METTL6: variants seen among roughly 807,000 people sequenced by gnomAD.
METTL6 encodes the protein methyltransferase 6, tRNA N3-cytidine.
Under a neutral mutation model 26.4 loss-of-function variants are expected in METTL6, and 22 were observed. That is an observed-to-expected ratio of 0.83 (90% CI 0.59 to 1.19). The LOEUF (loss-of-function observed/expected upper bound fraction) is 1.19. Among genes scored for constraint, METTL6 ranks in the 50% most tolerant of loss-of-function variants. The pLI, the probability that METTL6 is intolerant of heterozygous loss-of-function variation, is 0.00. For synonymous variants in METTL6, 109 were observed against 116.2 expected, an observed-to-expected ratio of 0.94 and a Z score of 0.40; for missense variants, 304 against 324.8, an observed-to-expected ratio of 0.94 and a Z score of 0.49.
chr3:15,393,490 C>A (rs2124908761), intron 6 of METTL6, among the ~76,000 whole-genome samples: 1 of 152,254 alleles, frequency 6.6e-6, no homozygotes, highest in Non-Finnish European at 1.5e-5. Flanking sequence ...CCCTTTATTT[C>A]TTTCTCCTGC....
At chr3:15,386,082 C>T (rs1237407088) in intron 6 of METTL6, among the ~76,000 whole-genome samples, 10 of 152,168 alleles carry the variant, frequency 6.6e-5, no homozygotes, top group Admixed American at 6.5e-4. Flanking sequence ...ATGGTTATTT[C>T]TTGCTTATAT....
In METTL6 at chr3:15,385,326, A is replaced by G. The variant is rs138307014; in HGVS notation, c.*12-1139T>C. Among the ~76,000 whole-genome samples the G allele has an allele frequency of 9.0e-3, 1,374 of 152,238 alleles. 20 individuals are homozygous for G. Among genetic ancestry groups the G allele is most frequent in the African/African-American group, 0.031 (1,302 of 41,522 alleles). On this transcript the variant is annotated intron_variant, in intron 6 of 6. Coordinates refer to the METTL6 transcript ENST00000443029. The stretch of plus-strand genomic sequence containing the variant: ...AAAAACCCACTTGTTGGCCAGGCGC[A>G]GTGGCTCACACCTGTAATCTCAGCG...
intron 6 of METTL6, among the ~76,000 whole-genome samples, chr3:15,403,930 CTG>C (rs1210133458): frequency 6.6e-6 from 1 of 152,174 alleles, no homozygotes. Flanking sequence ...CATTTGTAAA[CTG>C]TGATGGGGCT....
At position 15,427,463 on chromosome 3, in the gene METTL6, A is replaced by G. The variant is rs1346108618; in HGVS notation, c.-186T>C. 4.9e-6 allele frequency: 2 copies of G among 408,488 alleles called. No homozygotes were observed. The highest frequency in any genetic ancestry group is 9.1e-6 in the Non-Finnish European group (2 of 220,518). The allele number at this position is 408,488 out of a possible 1,614,324, so 25.3% of individuals were successfully genotyped here. A position where few individuals can be genotyped will look rare whatever the true frequency, so the allele number is the denominator to read the frequency against. ...ACGGGAAGAACCGCGAAACAACCCTAAACCAATTCTGAGGACCACGAATTC... is the reference window on the plus strand; with the variant it reads ...ACGGGAAGAACCGCGAAACAACCCTGAACCAATTCTGAGGACCACGAATTC... On this transcript the variant is annotated 5_prime_UTR_variant, in exon 1 of 6. The change abolishes the stop of an existing upstream ORF in the 5' untranslated region. Coordinates refer to ENST00000383790, the MANE Select transcript of METTL6 (RefSeq NM_152396.4).
In METTL6 at chr3:15,414,167, G is replaced by A. The variant is rs748198064; in HGVS notation, c.532-5C>T. 1.9e-6 allele frequency: 3 copies of A among 1,603,590 alleles called. No homozygotes were observed. Among genetic ancestry groups the A allele is most frequent in the Admixed American group, 3.5e-5 (2 of 57,178 alleles). On this transcript the variant is annotated splice_polypyrimidine_tract_variant and splice_region_variant and intron_variant, in intron 4 of 5. Transcript: ENST00000383790. Reference sequence around the variant, plus strand: ...ACTTTTGCCTGGTTTTAATACCTATGAAACAAAAGCAGGCTGAACATGACT... The same window carrying A: ...ACTTTTGCCTGGTTTTAATACCTATAAAACAAAAGCAGGCTGAACATGACT...
At chr3:15,413,740 C>A in intron 5 of METTL6, 1 of 1,364,514 alleles carries the variant, frequency 7.3e-7, no homozygotes, top group South Asian at 1.3e-5. Flanking sequence ...TATTCCAGCA[C>A]AATTCCTAGT....
chr3:15,422,070 A>G (rs1159221412), intron 3 of METTL6, among the ~76,000 whole-genome samples: 2 of 151,440 alleles, frequency 1.3e-5, no homozygotes, highest in East Asian at 3.9e-4. Flanking sequence ...GGTGGGAGTT[A>G]ATCCCAGCAC....
chr3:15,422,863 T>C (rs1199473972), intron 3 of METTL6, among the ~76,000 whole-genome samples: 1 of 152,192 alleles, frequency 6.6e-6, no homozygotes, highest in Non-Finnish European at 1.5e-5. Context: ...CATGACAGGA[T>C]GTAATATGCA....
chr3:15,407,199 T>C (rs2124949227), downstream of METTL6, among the ~76,000 whole-genome samples: 1 of 152,202 alleles, frequency 6.6e-6, no homozygotes, highest in African/African-American at 2.4e-5. Context: ...TTTGTATTTT[T>C]AGCAGAGACA....
chr3:15,394,402 G>A (rs1699430350), intron 6 of METTL6, among the ~76,000 whole-genome samples: 1 of 151,958 alleles, frequency 6.6e-6, no homozygotes, highest in Admixed American at 6.6e-5. Flanking sequence ...TACTTTATTA[G>A]TCTTGCTAGC....
chr3:15,427,583 T>C (rs1175560611), upstream of METTL6: 3 of 582,492 alleles, frequency 5.2e-6, no homozygotes, highest in East Asian at 3.1e-5. Flanking sequence ...CCCACGGCCT[T>C]GCCTCCTCAG....
chr3:15,390,704 G>A (rs752697551), intron 6 of METTL6, among the ~76,000 whole-genome samples: 25 of 152,212 alleles, frequency 1.6e-4, no homozygotes, highest in Non-Finnish European at 1.3e-4. Flanking sequence ...TGCTGTTTCA[G>A]CTCTTCAGTC....
intron 4 of METTL6, chr3:15,414,457 G>T: frequency 1.7e-6 from 1 of 602,104 alleles, no homozygotes; most frequent in Non-Finnish European, 2.2e-6. Flanking sequence ...CCACGTTCAA[G>T]TGATTCTCGT....
At position 15,393,507 on chromosome 3, in the gene METTL6, T is replaced by G. The variant is rs542488942; in HGVS notation, c.*12-9320A>C. 3.3e-5 allele frequency among the ~76,000 whole-genome samples: 5 copies of G among 152,242 alleles called. No homozygotes were observed. In the East Asian group the frequency reaches 7.7e-4, roughly 23 times the overall value. On this transcript the variant is annotated intron_variant, in intron 6 of 6. Transcript: ENST00000443029. The stretch of plus-strand genomic sequence containing the variant: ...CTTTATTTCTTTCTCCTGCCTGATT[T>G]CCCTGGCCAGAACTTCCAACACTAT...
chr3:15,412,352 C>T (rs1298770134), intron 5 of METTL6, among the ~76,000 whole-genome samples: 5 of 152,208 alleles, frequency 3.3e-5, no homozygotes, highest in Admixed American at 1.3e-4. Context: ...AAGAGCATTG[C>T]TCCAGAGAAC....
At chr3:15,386,429 T>C (rs938387237) in intron 6 of METTL6, among the ~76,000 whole-genome samples, 2 of 152,096 alleles carry the variant, frequency 1.3e-5, no homozygotes, top group African/African-American at 2.4e-5. Flanking sequence ...ATTAAAAAGT[T>C]TTAGAGCAGG....
At chr3:15,415,981 C>T in intron 3 of METTL6, 39 bp from the exon 4 acceptor site, 1 of 1,560,972 alleles carries the variant, frequency 6.4e-7, no homozygotes, top group Non-Finnish European at 8.7e-7. Context: ...TTAATGCAAC[C>T]ACTAGGCTGA....
At chr3:15,403,772 TAAAG>T (rs1699711006) in intron 6 of METTL6, among the ~76,000 whole-genome samples, 1 of 152,220 alleles carries the variant, frequency 6.6e-6, no homozygotes, top group Non-Finnish European at 1.5e-5. Flanking sequence ...AGTAAATGAA[TAAAG>T]AATGGTCACT....
In METTL6 at chr3:15,424,977, G is replaced by A; in HGVS notation, c.338C>T (p.Pro113Leu). 1.2e-6 allele frequency: 2 copies of A among 1,614,088 alleles called. No homozygotes were observed. The highest frequency in any genetic ancestry group is 8.5e-7 in the Non-Finnish European group (1 of 1,180,004). ...NIFAYACDFSPRAIEYVKQNP... is the reference protein window; with the variant it reads ...NIFAYACDFSLRAIEYVKQNP... ...AACCTTAACATATTCAATGGCTCTT[G>A]GAGAAAAATCACAGGCATAGGCAAA... The change falls in exon 3 of 6, where the codon CCA becomes CTA. Residue 113 changes from proline (P) to leucine (L), a missense_variant. Coordinates refer to ENST00000383790, the MANE Select transcript of METTL6 (RefSeq NM_152396.4).
Sources: gnomAD v4.1 joint callset for allele counts (sites outside exome capture counted in the v4.1 genomes callset) on GRCh38, gnomAD v4.1.1 for gene constraint, MANE v1.5 for transcripts, NCBI Gene and HGNC (gene_info 2026-07-23, HGNC 2026-07-21) for gene names.